Variants in NRG3 observed in about 807,000 individuals in gnomAD.
NRG3 encodes neuregulin 3, also known as pro-neuregulin-3, membrane-bound isoform.
A neutral mutation model predicts 66.9 loss-of-function variants in NRG3; 31 were observed. The ratio of observed to expected loss-of-function variants is 0.46; its 90% CI spans 0.35 to 0.63. The LOEUF (loss-of-function observed/expected upper bound fraction) is 0.63, where lower values mean the gene tolerates loss of function less well. Among genes scored for constraint, NRG3 ranks in the 20% least tolerant of loss-of-function variants. The probability of loss-of-function intolerance (pLI) is 0.00; values close to 1 mark genes in which losing one functional copy is unlikely to be tolerated. For missense variants in NRG3, 910 were observed against 878.9 expected (o/e 1.04, Z -0.45); for synonymous variants, 393 against 359.4 (o/e 1.09, Z -1.06).
At chr10:82,537,705 T>C (rs985560333) in intron 2 of NRG3, among the ~76,000 whole-genome samples, 1 of 152,182 alleles carries the variant, frequency 6.6e-6, no homozygotes, top group African/African-American at 2.4e-5. Flanking sequence ...TAATTTTAGA[T>C]TTACAAAACT....
chr10:81,934,670 T>C (rs1847698809), intron 1 of NRG3, among the ~76,000 whole-genome samples: 1 of 152,214 alleles, frequency 6.6e-6, no homozygotes, highest in Admixed American at 6.5e-5. Context: ...AGTAAAATTT[T>C]AAGTAAATTG....
chr10:82,164,711 C>T (rs1203570231), intron 1 of NRG3, among the ~76,000 whole-genome samples: 1 of 152,074 alleles, frequency 6.6e-6, no homozygotes, highest in Non-Finnish European at 1.5e-5. Context: ...GAAAAGAAAA[C>T]AGTCAAGAAA....
intron 1 of NRG3, among the ~76,000 whole-genome samples, chr10:82,320,696 C>G (rs972456819): frequency 6.6e-6 from 1 of 152,052 alleles, no homozygotes; most frequent in African/African-American, 2.4e-5. Flanking sequence ...GTCCAAGTTC[C>G]CTGTGATATG....
chr10:82,462,916 C>T (rs2091587828), intron 2 of NRG3, among the ~76,000 whole-genome samples: 1 of 152,016 alleles, frequency 6.6e-6, no homozygotes, highest in Non-Finnish European at 1.5e-5. Flanking sequence ...ACAGAGGTTG[C>T]TTGAATGACC....
At chr10:82,847,046 G>T (rs1001689446) in intron 3 of NRG3, among the ~76,000 whole-genome samples, 5 of 152,190 alleles carry the variant, frequency 3.3e-5, no homozygotes, top group African/African-American at 1.2e-4. Flanking sequence ...CAGAGATCCA[G>T]TTCCTTAAGT....
chr10:82,111,970 T>C (rs1310678628), intron 1 of NRG3, among the ~76,000 whole-genome samples: 2 of 152,138 alleles, frequency 1.3e-5, no homozygotes, highest in East Asian at 3.9e-4. Flanking sequence ...AGGCTGGGCA[T>C]GGTGGCTCAT....
At chr10:82,289,250 GA>G (rs1366091093) in intron 1 of NRG3, among the ~76,000 whole-genome samples, 1 of 149,282 alleles carries the variant, frequency 6.7e-6, no homozygotes, top group African/African-American at 2.4e-5. Context: ...ACAGGACAAA[GA>G]ATCAGGGAAT....
chr10:82,310,305 A>G (rs895310652), intron 1 of NRG3, among the ~76,000 whole-genome samples: 1 of 152,206 alleles, frequency 6.6e-6, no homozygotes, highest in African/African-American at 2.4e-5. Flanking sequence ...GAGGTGAATT[A>G]TGGATTTTTC....
At chr10:82,425,414 TTAG>T (rs1256734301) in intron 2 of NRG3, among the ~76,000 whole-genome samples, 2 of 152,110 alleles carry the variant, frequency 1.3e-5, no homozygotes, top group African/African-American at 2.4e-5. Context: ...GGTTTTTTTT[TTAG>T]AGTTTCCATT....
chr10:82,865,551 A>G (rs1840632388), intron 4 of NRG3, 114 bp downstream of exon 4: 3 of 1,041,610 alleles, frequency 2.9e-6, no homozygotes, highest in Non-Finnish European at 2.8e-6. Flanking sequence ...ATCAGATGCT[A>G]TTAGTAGGAA....
intron 1 of NRG3, among the ~76,000 whole-genome samples, chr10:81,949,671 C>T (rs200158542): frequency 2.7e-4 from 41 of 152,132 alleles, no homozygotes; most frequent in East Asian, 1.7e-3. Context: ...GAAAAAAACA[C>T]GTTATGAGAA....
At chr10:82,233,054 C>T (rs538108649) in intron 1 of NRG3, 1 of 491,240 alleles carries the variant, frequency 2.0e-6, no homozygotes, top group African/African-American at 1.9e-5. Context: ...GTGCTTCAGG[C>T]TGGTCCCTTT....
At position 82,239,538 on chromosome 10, in the gene NRG3, ATTG is replaced by A. The variant is rs1433639276; in HGVS notation, c.824-119195_824-119193del. Among the ~76,000 whole-genome samples, 3 of 152,104 alleles carry A rather than the reference ATTG, an allele frequency of 2.0e-5. No individual in the cohort carries two copies. In the South Asian group the frequency reaches 6.2e-4, roughly 32 times the overall value. ...AATTTAATTGGTGTAAATGATATTTATTGTTGTTTTAATTTATCTGATTACTAA... is the reference window on the plus strand; with the variant it reads ...AATTTAATTGGTGTAAATGATATTTATTGTTTTAATTTATCTGATTACTAA... On this transcript the variant is annotated intron_variant, in intron 1 of 8. Transcript: ENST00000372141.
intron 2 of NRG3, among the ~76,000 whole-genome samples, chr10:82,685,173 G>A (rs542510183): frequency 2.6e-5 from 4 of 152,174 alleles, no homozygotes; most frequent in East Asian, 3.9e-4. Flanking sequence ...TCATCTCCAA[G>A]AGCCCAGGTG....
chr10:82,786,185 G>A (rs185793048), intron 3 of NRG3, among the ~76,000 whole-genome samples: 163 of 152,218 alleles, frequency 1.1e-3, no homozygotes, highest in Non-Finnish European at 1.5e-3. Context: ...GAACTACAGA[G>A]CAACCAATGT....
chr10:82,453,077 A>G (rs1252709141), intron 2 of NRG3, among the ~76,000 whole-genome samples: 2 of 152,278 alleles, frequency 1.3e-5, no homozygotes, highest in East Asian at 3.9e-4. Flanking sequence ...GTGATCTTAG[A>G]AGACTTTCTG....
chr10:82,774,821 C>CTTTT (rs992021420), intron 3 of NRG3, among the ~76,000 whole-genome samples: 16 of 78,020 alleles, frequency 2.1e-4, no homozygotes, highest in African/African-American at 3.2e-4. Context: ...TTTCTTTTTT[C>CTTTT]TTTTTTTTTT....
chr10:82,370,311 C>T lies in NRG3; in HGVS notation c.953+11443C>T, dbSNP rs182630734. ...GGATGGAGTGGGAAGGTGATATTCC[C>T]CTGGAGTGGGGCTGCCCAGTGGCCA... is the stretch of plus-strand genomic sequence containing the variant. On this transcript the variant is annotated intron_variant, in intron 2 of 8. Transcript: ENST00000372141. Among the ~76,000 whole-genome samples, 55 of 137,566 alleles carry T rather than the reference C, an allele frequency of 4.0e-4. 13 individuals are homozygous for T. Among genetic ancestry groups the T allele is most frequent in the African/African-American group, 1.7e-3 (51 of 29,422 alleles). 90.2% of individuals were successfully genotyped at this position (137,566 alleles called of 152,430 possible).
At chr10:82,019,921 T>G (rs555707177) in intron 1 of NRG3, among the ~76,000 whole-genome samples, 1 of 152,162 alleles carries the variant, frequency 6.6e-6, no homozygotes, top group African/African-American at 2.4e-5. Context: ...GAAGGGTTTT[T>G]TGTGTCTCCA....
Sources: gnomAD v4.1 joint callset for allele counts (sites outside exome capture counted in the v4.1 genomes callset) on GRCh38, gnomAD v4.1.1 for gene constraint, MANE v1.5 for transcripts, NCBI Gene and HGNC (gene_info 2026-07-23, HGNC 2026-07-21) for gene names.